CLCN5: variants seen among roughly 807,000 people sequenced by gnomAD.
CLCN5 encodes H(+)/Cl(-) exchange transporter 5.
A neutral mutation model predicts 54.0 loss-of-function variants in CLCN5; 17 were observed. That is an observed-to-expected ratio of 0.31 (90% CI 0.22 to 0.47). The LOEUF (loss-of-function observed/expected upper bound fraction) is 0.47. Among genes scored for constraint, CLCN5 ranks in the 20% least tolerant of loss-of-function variants. The pLI is 1.00. For missense variants in CLCN5, 448 were observed against 646.7 expected (o/e 0.69, Z 3.33); for synonymous variants, 222 against 233.0 (o/e 0.95, Z 0.43).
At chrX:50,038,281 G>GT (rs1373647377) in intron 3 of CLCN5, among the ~76,000 whole-genome samples, 2 of 111,584 alleles carry the variant, frequency 1.8e-5, no homozygotes, top group Non-Finnish European at 3.8e-5. Context: ...ATAAGAAATG[G>GT]TTTTTTTACT....
rs6651602 is a variant in CLCN5 at position 50,075,789 on chromosome X, A to T, written c.416-6A>T. On this transcript the variant is annotated splice_region_variant and splice_polypyrimidine_tract_variant and intron_variant, in intron 6 of 14. Coordinates refer to ENST00000376091, the MANE Select transcript of CLCN5 (RefSeq NM_001127898.4). ...TTTGGCCTTTCCCTCCCTCCCCACA[A>T]ATCAGGTTCGTTAGCTGGTTTGATA... is the stretch of plus-strand genomic sequence containing the variant. The T allele has an allele frequency of 3.1e-3, 3,707 of 1,208,309 alleles. 60 individuals carry two copies. In the African/African-American group the frequency reaches 0.056, roughly 18 times the overall value.
intron 10 of CLCN5, 83 bp from the exon 11 acceptor site, chrX:50,086,245 C>T (rs1351953191): frequency 8.7e-6 from 9 of 1,032,126 alleles, no homozygotes; most frequent in Non-Finnish European, 1.2e-5. Context: ...CATTAGTTGA[C>T]TCTCATGCCT....
chrX:50,081,008 G>T (rs1310993565), intron 8 of CLCN5, among the ~76,000 whole-genome samples: 2 of 111,441 alleles, frequency 1.8e-5, no homozygotes, highest in Non-Finnish European at 3.8e-5. Flanking sequence ...ATTCTGACCT[G>T]AAAAAGCAGT....
At chrX:50,056,791 A>C (rs1932756733) in intron 4 of CLCN5, among the ~76,000 whole-genome samples, 1 of 111,851 alleles carries the variant, frequency 8.9e-6, no homozygotes, top group Non-Finnish European at 1.9e-5. Context: ...TAGAATCTGA[A>C]TTCATGCTTG....
chrX:50,036,624 A>G (rs1322541758), intron 3 of CLCN5, among the ~76,000 whole-genome samples: 1 of 112,192 alleles, frequency 8.9e-6, no homozygotes, highest in African/African-American at 3.2e-5. Context: ...CACATTCCAA[A>G]GCCAGAGATA....
At chrX:50,060,745 T>C (rs1932844039) in intron 4 of CLCN5, among the ~76,000 whole-genome samples, 2 of 110,968 alleles carry the variant, frequency 1.8e-5, no homozygotes, top group Non-Finnish European at 1.9e-5. Flanking sequence ...CTCTGCAGAC[T>C]TAAATGTCCC....
chrX:49,993,289 GA>G (rs1317987976), intron 3 of CLCN5, among the ~76,000 whole-genome samples: 1 of 111,972 alleles, frequency 8.9e-6, no homozygotes, highest in Non-Finnish European at 1.9e-5. Context: ...ATTCAAGGGG[GA>G]AAAAGCAGTT....
chrX:50,082,158 T>G (rs1933726524), intron 9 of CLCN5, among the ~76,000 whole-genome samples: 1 of 111,982 alleles, frequency 8.9e-6, no homozygotes, highest in Non-Finnish European at 1.9e-5. Context: ...GAGATAACCT[T>G]TTATATATTG....
At chrX:50,026,203 C>G (rs1557184979) in intron 3 of CLCN5, among the ~76,000 whole-genome samples, 1 of 112,098 alleles carries the variant, frequency 8.9e-6, no homozygotes, top group Non-Finnish European at 1.9e-5. Context: ...TTAATGATTT[C>G]TAGTCTAATT....
At chrX:50,057,927 C>G (rs1160326872) in intron 4 of CLCN5, among the ~76,000 whole-genome samples, 2 of 109,937 alleles carry the variant, frequency 1.8e-5, no homozygotes, top group African/African-American at 3.3e-5. Flanking sequence ...AATGGATGAA[C>G]CAGTACAAGA....
chrX:49,936,379 G>A (rs951158851), intron 3 of CLCN5, among the ~76,000 whole-genome samples: 1 of 111,624 alleles, frequency 9.0e-6, no homozygotes, highest in African/African-American at 3.3e-5. Context: ...AGTGGTGCCA[G>A]GAGCAGTATA....
chrX:49,933,861 A>G (rs1266663614), intron 3 of CLCN5, among the ~76,000 whole-genome samples: 2 of 111,977 alleles, frequency 1.8e-5, no homozygotes, highest in Non-Finnish European at 3.8e-5. Context: ...TGATTGGATT[A>G]TAAGTTTTGG....
intron 4 of CLCN5, among the ~76,000 whole-genome samples, chrX:50,044,724 G>A (rs1932337361): frequency 9.0e-6 from 1 of 111,452 alleles, no homozygotes; most frequent in Non-Finnish European, 1.9e-5. Context: ...ATATCACAAA[G>A]TACATTATCA....
At position 49,925,165 on chromosome X, in the gene CLCN5, T is replaced by G; in HGVS notation, c.-128-6T>G. ...TAGGTATTCATTTTTCTGTTTACAT[T>G]TTCAGGTTTGGGGCTTTAGCCCCTT... On this transcript the variant is annotated splice_polypyrimidine_tract_variant and splice_region_variant and intron_variant, in intron 2 of 14. Transcript: ENST00000376091. 3.0e-6 allele frequency: 2 copies of G among 657,241 alleles called. No individual in the cohort carries two copies. The highest frequency in any genetic ancestry group is 4.9e-6 in the Non-Finnish European group (2 of 406,848). 54.2% of individuals were successfully genotyped at this position (657,241 alleles called of 1,213,427 possible). A position where few individuals can be genotyped will look rare whatever the true frequency, so the allele number is the denominator to read the frequency against.
intron 3 of CLCN5, among the ~76,000 whole-genome samples, chrX:49,928,853 A>G (rs1925489557): frequency 9.0e-6 from 1 of 111,337 alleles, no homozygotes; most frequent in East Asian, 2.8e-4. Context: ...TGAACCCAGG[A>G]GGCGGAGCTT....
intron 3 of CLCN5, among the ~76,000 whole-genome samples, chrX:49,934,901 C>G (rs1472239324): frequency 1.8e-5 from 2 of 111,987 alleles, no homozygotes; most frequent in Non-Finnish European, 1.9e-5. Flanking sequence ...CTGGCCCTTC[C>G]ACTGCCCTCC....
chrX:49,935,249 A>T (rs782261518), intron 3 of CLCN5, among the ~76,000 whole-genome samples: 62 of 111,966 alleles, frequency 5.5e-4, no homozygotes, highest in Non-Finnish European at 9.8e-4. Context: ...AGATCATTTC[A>T]GTTGGTAACA....
At chrX:50,041,825 TA>T (rs1932227055) in intron 3 of CLCN5, among the ~76,000 whole-genome samples, 1 of 111,796 alleles carries the variant, frequency 8.9e-6, no homozygotes, top group Admixed American at 9.5e-5. Context: ...AAAGAAGACA[TA>T]AGACTAAGTG....
intron 3 of CLCN5, among the ~76,000 whole-genome samples, chrX:50,004,579 C>G (rs1418786383): frequency 9.0e-6 from 1 of 110,569 alleles, no homozygotes; most frequent in African/African-American, 3.3e-5. Context: ...TCTAAGGCCG[C>G]TTTTAAAAAA....
Sources: gnomAD v4.1 joint callset for allele counts (sites outside exome capture counted in the v4.1 genomes callset) on GRCh38, gnomAD v4.1.1 for gene constraint, MANE v1.5 for transcripts, NCBI Gene and HGNC (gene_info 2026-07-23, HGNC 2026-07-21) for gene names.